The following SMC1B variants were observed in gnomAD, a reference collection of about 807,000 sequenced individuals.
SMC1B encodes structural maintenance of chromosomes protein 1B.
In SMC1B, 60 loss-of-function variants were observed where a neutral mutation model predicts 157.9. The ratio of observed to expected loss-of-function variants is 0.38; its 90% CI spans 0.31 to 0.47. The LOEUF is 0.47. SMC1B is among the 20% of genes least tolerant of loss of function. The pLI is 0.99. For missense variants in SMC1B, 1,165 were observed against 1,426.2 expected (o/e 0.82, Z 2.95); for synonymous variants, 445 against 483.0 (o/e 0.92, Z 1.03).
chr22:45,394,278 T>C (rs552451776), intron 8 of SMC1B, among the ~76,000 whole-genome samples: 4 of 151,920 alleles, frequency 2.6e-5, no homozygotes, highest in African/African-American at 4.8e-5. Context: ...TAAGCCATGA[T>C]CACGCAACTG....
chr22:45,379,724 T>C (rs1401823288), intron 12 of SMC1B, among the ~76,000 whole-genome samples: 2 of 27,768 alleles, frequency 7.2e-5, no homozygotes, highest in Non-Finnish European at 5.2e-5. Flanking sequence ...TTCTTTTTAC[T>C]TTTTTTTTTT....
intron 19 of SMC1B, among the ~76,000 whole-genome samples, chr22:45,358,151 G>A (rs2066476777): frequency 6.6e-6 from 1 of 152,174 alleles, no homozygotes; most frequent in Non-Finnish European, 1.5e-5. Flanking sequence ...GTGAGAGAGG[G>A]CATGGACCCT....
chr22:45,358,596 TAA>T, intron 19 of SMC1B, 99 bp downstream of exon 19: 2 of 699,290 alleles, frequency 2.9e-6, no homozygotes, highest in East Asian at 2.9e-5. Context: ...GGAAATCTTT[TAA>T]AAAAAAACAA....
intron 15 of SMC1B, among the ~76,000 whole-genome samples, chr22:45,363,536 C>T (rs1204740977): frequency 6.6e-6 from 1 of 151,970 alleles, no homozygotes; most frequent in African/African-American, 2.4e-5. Context: ...CAACAATTAT[C>T]CAGGCTTGGT....
At position 45,402,551 on chromosome 22, in the gene SMC1B, G is replaced by A. The variant is rs2146847354; in HGVS notation, c.636C>T (p.Leu212=). Residue 212 remains leucine (L), a synonymous_variant, in exon 5 of 25, where the codon CTC becomes CTT. Transcript: ENST00000357450. The part of the protein sequence containing the change: ...EKEEAERYQS[L]LEELKMNKIQ... ...TCTTGTTCATTTTCAGTTCTTCAAG[G>A]AGACTCTGGTAACGTTCTGCCTATA... 2.5e-6 allele frequency: 4 copies of A among 1,613,450 alleles called. No homozygotes were observed. Among genetic ancestry groups the A allele is most frequent in the Non-Finnish European group, 3.4e-6 (4 of 1,179,690 alleles).
chr22:45,384,293 C>T (rs1428932328), intron 11 of SMC1B, among the ~76,000 whole-genome samples: 1 of 152,152 alleles, frequency 6.6e-6, no homozygotes, highest in Non-Finnish European at 1.5e-5. Context: ...CAAATATTTT[C>T]CCCAGTTTGC....
intron 22 of SMC1B, among the ~76,000 whole-genome samples, chr22:45,351,482 C>T (rs2086614651): frequency 6.6e-6 from 1 of 152,198 alleles, no homozygotes; most frequent in African/African-American, 2.4e-5. Context: ...AGTTTTCAAA[C>T]TCTTGTATGT....
At chr22:45,358,850 G>C in intron 18 of SMC1B, 55 bp from the exon 19 acceptor site, 1 of 1,326,360 alleles carries the variant, frequency 7.5e-7, no homozygotes. Context: ...TCTTATATGG[G>C]AGTGGTTCAT....
chr22:45,368,155 A>G (rs1457799892), intron 15 of SMC1B, among the ~76,000 whole-genome samples: 3 of 152,204 alleles, frequency 2.0e-5, no homozygotes, highest in African/African-American at 7.2e-5. Context: ...TTTTCATATC[A>G]TAGGTATCTT....
chr22:45,353,835 A>G (rs2086638428), intron 21 of SMC1B, 143 bp downstream of exon 21: 1 of 645,548 alleles, frequency 1.5e-6, no homozygotes, highest in South Asian at 2.1e-5. Flanking sequence ...ACTCTTCATG[A>G]ACTGACTTTG....
intron 1 of SMC1B, among the ~76,000 whole-genome samples, chr22:45,412,165 C>T (rs1187056135): frequency 1.3e-5 from 2 of 152,002 alleles, no homozygotes; most frequent in Non-Finnish European, 2.9e-5. Flanking sequence ...TAGGCATGAG[C>T]CACGGCGCCC....
rs969388008 is a variant in SMC1B at position 45,393,740 on chromosome 22, A to G, written c.1439T>C (p.Ile480Thr). 2 of 1,613,772 alleles carry G rather than the reference A, an allele frequency of 1.2e-6. No homozygotes were observed. The highest frequency in any genetic ancestry group is 1.1e-5 in the South Asian group (1 of 91,090). Reference protein sequence around the residue: ...MSEVNEELNLIRSELQNAGID... With the variant: ...MSEVNEELNLTRSELQNAGID... ...CCCAGCATTCTGCAATTCACTTCTA[A>G]TAAGATTCAATTCTTCATTAACTTC... The change falls in exon 9 of 25, where the codon ATT becomes ACT. Residue 480 changes from isoleucine to threonine, a missense_variant. Physicochemically the swap from Ile to Thr is moderately conservative, Grantham distance 89. Coordinates refer to ENST00000357450, the MANE Select transcript of SMC1B (RefSeq NM_148674.5).
At chr22:45,369,925 T>G (rs1316691600) in intron 15 of SMC1B, 29 bp downstream of exon 15, 1 of 1,175,794 alleles carries the variant, frequency 8.5e-7, no homozygotes, top group Non-Finnish European at 1.2e-6. Context: ...ATATGTAAGC[T>G]CCTTACCAAC....
In SMC1B at chr22:45,345,449, T is replaced by C. The variant is rs771592397; in HGVS notation, c.3606+10A>G. ...TGGGTACACTCCTCTCGCCTCTGAT[T>C]TGTCTTTACCTCAGGATAGATGCCG... On this transcript the variant is annotated intron_variant, in intron 24 of 24. Coordinates refer to ENST00000357450, the MANE Select transcript of SMC1B (RefSeq NM_148674.5). 4.4e-6 allele frequency: 7 copies of C among 1,586,446 alleles called. No homozygotes were observed. Among genetic ancestry groups the C allele is most frequent in the Admixed American group, 1.7e-5 (1 of 59,378 alleles).
chr22:45,369,547 T>C (rs2086810040), intron 15 of SMC1B, among the ~76,000 whole-genome samples: 2 of 147,910 alleles, frequency 1.4e-5, no homozygotes, highest in East Asian at 1.9e-4. Context: ...TGTTTCTTTT[T>C]TTTTTTTTTT....
At chr22:45,410,860 T>C (rs576676534) in intron 1 of SMC1B, among the ~76,000 whole-genome samples, 37 of 152,360 alleles carry the variant, frequency 2.4e-4, no homozygotes, top group African/African-American at 8.9e-4. Flanking sequence ...CAAATTTATT[T>C]AGCTGAGTCT....
At chr22:45,367,359 T>G (rs1328741210) in intron 15 of SMC1B, among the ~76,000 whole-genome samples, 1 of 152,224 alleles carries the variant, frequency 6.6e-6, no homozygotes, top group Non-Finnish European at 1.5e-5. Context: ...TCAGGTTTGC[T>G]TCAGCTCCAG....
At chr22:45,394,015 C>T (rs1054115370) in intron 8 of SMC1B, among the ~76,000 whole-genome samples, 174 bp from the exon 9 acceptor site, 1 of 152,068 alleles carries the variant, frequency 6.6e-6, no homozygotes, top group South Asian at 2.1e-4. Context: ...AGATTTTGCT[C>T]ATTCTTTGTT....
chr22:45,391,805 G>A (rs1369782072), intron 9 of SMC1B, among the ~76,000 whole-genome samples: 1 of 152,120 alleles, frequency 6.6e-6, no homozygotes, highest in African/African-American at 2.4e-5. Context: ...CCATACCAAG[G>A]TTCTTCTACT....
Sources: gnomAD v4.1 joint callset for allele counts (sites outside exome capture counted in the v4.1 genomes callset) on GRCh38, gnomAD v4.1.1 for gene constraint, MANE v1.5 for transcripts, NCBI Gene and HGNC (gene_info 2026-07-23, HGNC 2026-07-21) for gene names.